Variants in L3MBTL4 observed in about 807,000 individuals in gnomAD.
L3MBTL4 encodes L3MBTL histone methyl-lysine binding protein 4, also known as lethal(3)malignant brain tumor-like protein 4.
In L3MBTL4, 70 loss-of-function variants were observed where a neutral mutation model predicts 84.5. The ratio of observed to expected loss-of-function variants is 0.83; its 90% CI spans 0.68 to 1.01. The LOEUF (loss-of-function observed/expected upper bound fraction) is 1.01. Ranked by LOEUF, L3MBTL4 falls within the 50% of genes least tolerant of loss-of-function variation. The pLI, the probability that L3MBTL4 is intolerant of heterozygous loss-of-function variation, is 0.00. For missense variants in L3MBTL4, 715 were observed against 754.8 expected, an observed-to-expected ratio of 0.95 and a Z score of 0.62; for synonymous variants, 274 against 259.8, an observed-to-expected ratio of 1.05 and a Z score of -0.52.
chr18:6,277,433 G>A (rs535170848), intron 4 of L3MBTL4, among the ~76,000 whole-genome samples: 267 of 152,168 alleles, frequency 1.8e-3, no homozygotes, highest in African/African-American at 6.0e-3. Flanking sequence ...CATCTTTCTC[G>A]TATATTACAT....
chr18:6,156,930 C>G (rs1264094724), intron 13 of L3MBTL4, among the ~76,000 whole-genome samples: 5 of 152,200 alleles, frequency 3.3e-5, no homozygotes, highest in African/African-American at 1.2e-4. Flanking sequence ...GAGCTAGCCA[C>G]TAGGCATCCA....
intron 1 of L3MBTL4, among the ~76,000 whole-genome samples, chr18:6,391,538 A>C (rs2055050684): frequency 6.6e-6 from 1 of 152,146 alleles, no homozygotes; most frequent in Non-Finnish European, 1.5e-5. Flanking sequence ...AGAGGGAGTC[A>C]AACTAACACT....
chr18:5,961,279 T>C (rs2095262048), intron 17 of L3MBTL4, among the ~76,000 whole-genome samples: 1 of 152,090 alleles, frequency 6.6e-6, no homozygotes, highest in South Asian at 2.1e-4. Context: ...CCAGGAGAAG[T>C]CAGCAGACGC....
intron 13 of L3MBTL4, among the ~76,000 whole-genome samples, chr18:6,147,951 G>T (rs1181785025): frequency 6.6e-6 from 1 of 152,120 alleles, no homozygotes; most frequent in African/African-American, 2.4e-5. Context: ...ATTAAATGAG[G>T]ATCCCAGAAA....
chr18:6,347,311 T>C (rs763099809), intron 1 of L3MBTL4, among the ~76,000 whole-genome samples: 48 of 151,930 alleles, frequency 3.2e-4, no homozygotes, highest in Middle Eastern at 3.4e-3. Flanking sequence ...TAAAGTCTGT[T>C]AAGAGGGTAG....
intron 1 of L3MBTL4, among the ~76,000 whole-genome samples, chr18:6,398,717 T>C (rs2055381505): frequency 6.7e-6 from 1 of 149,258 alleles, no homozygotes; most frequent in African/African-American, 2.5e-5. Flanking sequence ...ACACACATTT[T>C]TTTAATTGGA....
chr18:6,066,637 G>A (rs1334878877), intron 16 of L3MBTL4, among the ~76,000 whole-genome samples: 1 of 151,912 alleles, frequency 6.6e-6, no homozygotes, highest in East Asian at 1.9e-4. Context: ...TTTAACTGTT[G>A]TTGCTTTAAA....
chr18:6,124,479 A>G (rs1395372286), intron 14 of L3MBTL4, among the ~76,000 whole-genome samples: 1 of 149,854 alleles, frequency 6.7e-6, no homozygotes, highest in African/African-American at 2.4e-5. Context: ...TTATATATAC[A>G]CACCAATACA....
intron 15 of L3MBTL4, among the ~76,000 whole-genome samples, chr18:6,089,102 G>A (rs973241481): frequency 1.2e-4 from 19 of 152,106 alleles, no homozygotes; most frequent in African/African-American, 4.6e-4. Context: ...AGAACACTTA[G>A]GCAGGTAAAA....
chr18:6,143,233 G>A (rs1231706121), intron 13 of L3MBTL4, among the ~76,000 whole-genome samples: 2 of 152,068 alleles, frequency 1.3e-5, no homozygotes, highest in Non-Finnish European at 2.9e-5. Flanking sequence ...ATTTATCAAT[G>A]CATATTTATC....
rs185096496 is a variant in L3MBTL4, at chr18:6,250,752, G to T, written c.220-6164C>A. Among the ~76,000 whole-genome samples the T allele has an allele frequency of 7.3e-4, 111 of 152,268 alleles. 2 individuals are homozygous for T. In the East Asian group the frequency reaches 0.019, roughly 26 times the overall value. On this transcript the variant is annotated intron_variant, in intron 5 of 18. Transcript: ENST00000317931. Reference sequence around the variant, plus strand: ...CTGATTTCTAAACCTTCACACGATAGCTCTCAAAGGGAAAGATGTTCACAG... The same window carrying T: ...CTGATTTCTAAACCTTCACACGATATCTCTCAAAGGGAAAGATGTTCACAG...
intron 12 of L3MBTL4, among the ~76,000 whole-genome samples, chr18:6,185,546 C>G (rs55794990): frequency 1.3e-5 from 2 of 152,112 alleles, no homozygotes; most frequent in African/African-American, 4.8e-5. Context: ...GGCTCCTGTA[C>G]TGAGCTATCC....
chr18:5,969,689 T>G, intron 16 of L3MBTL4, 127 bp from the exon 17 acceptor site: 1 of 861,180 alleles, frequency 1.2e-6, no homozygotes, highest in Non-Finnish European at 1.8e-6. Context: ...ACCCGCGTCT[T>G]CTGATCGTAC....
intron 17 of L3MBTL4, 126 bp downstream of exon 17, chr18:5,969,267 G>T (rs2144790931): frequency 1.0e-6 from 1 of 999,500 alleles, no homozygotes; most frequent in Non-Finnish European, 1.5e-6. Flanking sequence ...AGTTTACATG[G>T]CAGATGCGAT....
intron 10 of L3MBTL4, among the ~76,000 whole-genome samples, chr18:6,229,338 T>A (rs983526566): frequency 6.6e-6 from 1 of 152,200 alleles, no homozygotes; most frequent in South Asian, 2.1e-4. Context: ...GTTTTTATTG[T>A]TGAGTTTTAG....
chr18:6,036,554 T>C (rs1479220594), intron 16 of L3MBTL4, among the ~76,000 whole-genome samples: 1 of 152,222 alleles, frequency 6.6e-6, no homozygotes, highest in Non-Finnish European at 1.5e-5. Flanking sequence ...ACTTTGAACA[T>C]CTTGAAGACA....
intron 12 of L3MBTL4, among the ~76,000 whole-genome samples, chr18:6,209,614 TATC>T (rs2046020231): frequency 6.6e-6 from 1 of 152,140 alleles, no homozygotes; most frequent in African/African-American, 2.4e-5. Flanking sequence ...AATATAGAGT[TATC>T]ATATGACCCA....
intron 14 of L3MBTL4, among the ~76,000 whole-genome samples, chr18:6,096,539 A>T (rs1184499614): frequency 2.6e-5 from 4 of 152,206 alleles, no homozygotes; most frequent in Non-Finnish European, 4.4e-5. Context: ...AGGAGATGGC[A>T]TCCCCAACTT....
At chr18:6,021,770 G>GA (rs1910193540) in intron 16 of L3MBTL4, among the ~76,000 whole-genome samples, 1 of 151,998 alleles carries the variant, frequency 6.6e-6, no homozygotes. Context: ...CAGCGGGGTG[G>GA]GGGGGTGGCG....
Sources: gnomAD v4.1 joint callset for allele counts (sites outside exome capture counted in the v4.1 genomes callset) on GRCh38, gnomAD v4.1.1 for gene constraint, MANE v1.5 for transcripts, NCBI Gene and HGNC (gene_info 2026-07-23, HGNC 2026-07-21) for gene names.